Variants in LINGO2 observed in about 807,000 individuals in gnomAD.
The protein encoded by LINGO2 is leucine rich repeat and Ig domain containing 2, also known as leucine-rich repeat and immunoglobulin-like domain-containing nogo receptor-interacting protein 2.
A neutral mutation model predicts 30.6 loss-of-function variants in LINGO2; 14 were observed. The observed-to-expected ratio is 0.46, with a 90% CI of 0.30 to 0.72. LINGO2 has a LOEUF of 0.72. Ranked by LOEUF, LINGO2 falls within the 30% of genes least tolerant of loss-of-function variation. LINGO2 has a pLI of 0.07. For synonymous variants in LINGO2, 317 were observed against 288.5 expected (o/e 1.10, Z -1.00); for missense variants, 729 against 751.7 (o/e 0.97, Z 0.35).
At chr9:29,044,062 T>G in the LINGO2 span, among the ~76,000 whole-genome samples, 1 of 151,980 alleles carries the variant, frequency 6.6e-6, no homozygotes, top group Non-Finnish European at 1.5e-5. Context: ...TTCCACTTAT[T>G]AGGAGTGGGG....
intron 2 of LINGO2, among the ~76,000 whole-genome samples, chr9:28,475,181 A>C (rs1370544831): frequency 6.6e-6 from 1 of 152,168 alleles, no homozygotes; most frequent in Non-Finnish European, 1.5e-5. Flanking sequence ...AACTAAACAC[A>C]ATTACGTATT....
the LINGO2 span, among the ~76,000 whole-genome samples, chr9:29,136,321 G>A: frequency 2.0e-5 from 3 of 151,960 alleles, no homozygotes; most frequent in African/African-American, 7.3e-5. Flanking sequence ...TTCTTTCTTG[G>A]AATCTCTCTC....
At chr9:28,085,460 T>G (rs752907006) in intron 4 of LINGO2, among the ~76,000 whole-genome samples, 19 of 152,124 alleles carry the variant, frequency 1.2e-4, no homozygotes, top group Non-Finnish European at 2.5e-4. Context: ...CTACTAGAGC[T>G]GGCTTTAACG....
rs137951117 is a variant in LINGO2 at position 28,302,606 on chromosome 9, G to A, written c.-245-7240C>T. Among the ~76,000 whole-genome samples, 336 of 152,218 alleles carry A rather than the reference G, an allele frequency of 2.2e-3. 1 individual carries two copies. Among genetic ancestry groups the A allele is most frequent in the African/African-American group, 7.8e-3 (323 of 41,544 alleles). On this transcript the variant is annotated intron_variant, in intron 3 of 5. Coordinates refer to ENST00000379992, the Ensembl canonical transcript of LINGO2. ...GGATCACCTGAACCCAGGAAGTTGT[G>A]GCTGTAGTTAGCCCTGATCACACCA...
At chr9:29,080,302 A>G in the LINGO2 span, among the ~76,000 whole-genome samples, 1 of 151,968 alleles carries the variant, frequency 6.6e-6, no homozygotes. Context: ...CCCCTTTATC[A>G]TTTTTTATTG....
At chr9:28,771,500 TGTGTGTGA>T in the LINGO2 span, among the ~76,000 whole-genome samples, 5,656 of 67,466 alleles carry the variant, frequency 0.084, 127 homozygotes, top group East Asian at 0.16. Flanking sequence ...TGTGTGTGTG[TGTGTGTGA>T]GAGAGAGAGA....
the LINGO2 span, among the ~76,000 whole-genome samples, chr9:28,872,579 TCAAGTTTG>T: frequency 6.6e-6 from 1 of 152,150 alleles, no homozygotes; most frequent in African/African-American, 2.4e-5. Context: ...AAAGATTCCA[TCAAGTTTG>T]GTACATGCTT....
At chr9:28,685,482 G>A in the LINGO2 span, among the ~76,000 whole-genome samples, 76 of 152,122 alleles carry the variant, frequency 5.0e-4, no homozygotes, top group East Asian at 0.013. Flanking sequence ...ATAACATTTC[G>A]TACAATTACT....
At chr9:28,061,877 A>T (rs1825155022) in intron 4 of LINGO2, among the ~76,000 whole-genome samples, 2 of 152,172 alleles carry the variant, frequency 1.3e-5, no homozygotes, top group African/African-American at 4.8e-5. Flanking sequence ...GCATAATAAA[A>T]TAACTTATGA....
chr9:29,086,262 A>T, the LINGO2 span, among the ~76,000 whole-genome samples: 21 of 152,298 alleles, frequency 1.4e-4, no homozygotes, highest in South Asian at 3.3e-3. Context: ...TAATAATTTA[A>T]TGAGTAGAAT....
chr9:28,156,681 G>GT, intron 4 of LINGO2, among the ~76,000 whole-genome samples: 1 of 152,332 alleles, frequency 6.6e-6, no homozygotes, highest in East Asian at 1.9e-4. Context: ...CTATGAGCCT[G>GT]TAAAATCAAA....
chr9:28,594,564 C>T, intron 1 of LINGO2, among the ~76,000 whole-genome samples: 1 of 152,104 alleles, frequency 6.6e-6, no homozygotes, highest in Non-Finnish European at 1.5e-5. Flanking sequence ...AATAGCTACA[C>T]ATTCTTAGTT....
chr9:28,186,070 C>A (rs1339573545), intron 4 of LINGO2, among the ~76,000 whole-genome samples: 1 of 152,156 alleles, frequency 6.6e-6, no homozygotes, highest in African/African-American at 2.4e-5. Flanking sequence ...CTCCTTTTAC[C>A]TGGTCAAAAC....
the LINGO2 span, among the ~76,000 whole-genome samples, chr9:29,060,494 A>G: frequency 5.3e-5 from 8 of 152,024 alleles, no homozygotes; most frequent in African/African-American, 1.9e-4. Context: ...ATCAAACAAC[A>G]TATTATTTTA....
At chr9:28,933,340 ACT>A in the LINGO2 span, among the ~76,000 whole-genome samples, 3 of 151,976 alleles carry the variant, frequency 2.0e-5, no homozygotes, top group African/African-American at 7.3e-5. Flanking sequence ...TCTTTTGCAA[ACT>A]CTTTGAAAAT....
chr9:29,002,506 G>T, the LINGO2 span, among the ~76,000 whole-genome samples: 2 of 152,184 alleles, frequency 1.3e-5, no homozygotes, highest in Non-Finnish European at 2.9e-5. Context: ...AAGGCAAACT[G>T]AGAACAGAAT....
the LINGO2 span, among the ~76,000 whole-genome samples, chr9:29,079,803 A>T: frequency 1.3e-5 from 2 of 152,028 alleles, no homozygotes; most frequent in African/African-American, 4.8e-5. Flanking sequence ...AGTTCAGAAA[A>T]ATAGAAGATG....
At chr9:29,055,940 G>GTATATATATGTGTATATA in the LINGO2 span, among the ~76,000 whole-genome samples, 2 of 120,020 alleles carry the variant, frequency 1.7e-5, no homozygotes, top group African/African-American at 6.4e-5. Flanking sequence ...ATGTGTGTGT[G>GTATATATATGTGTATATA]TATATATACA....
At chr9:28,703,315 A>AT in the LINGO2 span, among the ~76,000 whole-genome samples, 3 of 151,844 alleles carry the variant, frequency 2.0e-5, no homozygotes, top group African/African-American at 7.2e-5. Context: ...AAAAAGTTGT[A>AT]TTTTCATTGC....
Sources: gnomAD v4.1 joint callset for allele counts (sites outside exome capture counted in the v4.1 genomes callset) on GRCh38, gnomAD v4.1.1 for gene constraint, MANE v1.5 for transcripts, NCBI Gene and HGNC (gene_info 2026-07-23, HGNC 2026-07-21) for gene names.